Variants in DRC9 observed in about 807,000 individuals in gnomAD.
DRC9 encodes the protein dynein regulatory complex subunit 9, also known as dynein regulatory complex protein 9.
the DRC9 span, among the ~76,000 whole-genome samples, chr3:197,901,161 T>G: frequency 6.6e-6 from 1 of 152,104 alleles, no homozygotes; most frequent in Non-Finnish European, 1.5e-5. This position sits in a 1 kb window ranked among gnomAD's most constrained non-coding sequence, Gnocchi z 4.4. Flanking sequence ...TTTTTTGAGA[T>G]GGAGTCTCAC....
the DRC9 span, chr3:197,945,822 G>A: frequency 5.4e-6 from 3 of 553,244 alleles, no homozygotes; most frequent in African/African-American, 3.8e-5. Context: ...GCGGAGTGGA[G>A]CAGTCCCAGA....
At chr3:197,937,970 GA>G in the DRC9 span, among the ~76,000 whole-genome samples, 28 of 150,802 alleles carry the variant, frequency 1.9e-4, no homozygotes, top group African/African-American at 6.6e-4. Context: ...ACAGCTGAAG[GA>G]AAAAAAGAAA....
the DRC9 span, among the ~76,000 whole-genome samples, chr3:197,947,244 T>A: frequency 1.3e-5 from 2 of 151,360 alleles, no homozygotes; most frequent in African/African-American, 2.4e-5. Context: ...AATTTTTAAA[T>A]TTTTTTTTTC....
chr3:197,915,330 C>T, the DRC9 span, among the ~76,000 whole-genome samples: 1 of 150,382 alleles, frequency 6.6e-6, no homozygotes, highest in African/African-American at 2.4e-5. Context: ...GCTCCGGAGG[C>T]TCTAGCCTAG....
chr3:197,909,939 G>A, the DRC9 span, among the ~76,000 whole-genome samples: 7 of 152,100 alleles, frequency 4.6e-5, no homozygotes, highest in South Asian at 2.1e-4. Flanking sequence ...GCAGTGAGCC[G>A]AGATCGCGCC....
the DRC9 span, among the ~76,000 whole-genome samples, chr3:197,939,680 G>A: frequency 1.3e-5 from 2 of 151,850 alleles, no homozygotes; most frequent in East Asian, 1.9e-4. Flanking sequence ...AAAATAAATG[G>A]TTATTATTTT....
chr3:197,951,551 C>T, the DRC9 span: 1 of 480,766 alleles, frequency 2.1e-6, no homozygotes, highest in African/African-American at 2.0e-5. Flanking sequence ...CAGGGTATTG[C>T]CATGTTGGCC....
the DRC9 span, among the ~76,000 whole-genome samples, chr3:197,938,044 G>A: frequency 0.02 from 3,028 of 152,016 alleles, 108 homozygotes; most frequent in African/African-American, 0.07. Context: ...GGCCGGGCGC[G>A]GTGGCTCACG....
At chr3:197,899,380 A>T in the DRC9 span, among the ~76,000 whole-genome samples, 1 of 152,232 alleles carries the variant, frequency 6.6e-6, no homozygotes, top group Admixed American at 6.5e-5. Flanking sequence ...AAGCAGCACC[A>T]AAAAATACAC....
chr3:197,900,145 C>A, the DRC9 span, among the ~76,000 whole-genome samples: 1 of 152,198 alleles, frequency 6.6e-6, no homozygotes, highest in Non-Finnish European at 1.5e-5. The surrounding 1 kb of genome is among the most constrained non-coding windows in gnomAD (Gnocchi z 4.7). Flanking sequence ...CTCAGCATCT[C>A]GGGCTACGCC....
the DRC9 span, among the ~76,000 whole-genome samples, chr3:197,918,278 T>C: frequency 1.5e-5 from 2 of 137,192 alleles, no homozygotes; most frequent in South Asian, 2.3e-4. Context: ...TTTTTTTTTT[T>C]TTTTTGGTAG....
chr3:197,931,084 G>A, the DRC9 span, among the ~76,000 whole-genome samples: 1 of 151,868 alleles, frequency 6.6e-6, no homozygotes, highest in East Asian at 1.9e-4. Context: ...GGAAGACAAA[G>A]TTAAGGAAAT....
chr3:197,899,525 C>T, the DRC9 span, among the ~76,000 whole-genome samples: 3 of 152,090 alleles, frequency 2.0e-5, no homozygotes, highest in Admixed American at 6.6e-5. Context: ...AGTTTAAGAC[C>T]AGCCTGGGCA....
the DRC9 span, among the ~76,000 whole-genome samples, chr3:197,947,928 C>T: frequency 1.1e-4 from 11 of 96,796 alleles, no homozygotes; most frequent in Non-Finnish European, 3.9e-5. Context: ...CCTGCTTTAC[C>T]TTTTTTTTTT....
chr3:197,946,383 C>G, the DRC9 span, among the ~76,000 whole-genome samples: 3 of 140,066 alleles, frequency 2.1e-5, no homozygotes, highest in African/African-American at 8.5e-5. Context: ...TGCAGTGAGC[C>G]GAGATCGCGC....
At chr3:197,901,923 C>A in the DRC9 span, among the ~76,000 whole-genome samples, 1 of 152,120 alleles carries the variant, frequency 6.6e-6, no homozygotes, top group Non-Finnish European at 1.5e-5. This position sits in a 1 kb window ranked among gnomAD's most constrained non-coding sequence, Gnocchi z 4.4. Flanking sequence ...TTGGGTGAGA[C>A]CAGGTGCTGT....
the DRC9 span, among the ~76,000 whole-genome samples, chr3:197,925,751 T>G: frequency 1.3e-5 from 2 of 151,768 alleles, no homozygotes; most frequent in African/African-American, 4.8e-5. Context: ...ACCCGGCTAA[T>G]TTTTGTATTT....
chr3:197,945,510 A>G, the DRC9 span: 1 of 719,544 alleles, frequency 1.4e-6, no homozygotes, highest in South Asian at 1.8e-5. Flanking sequence ...TTAAGTCACT[A>G]AGTTCTGGGG....
the DRC9 span, among the ~76,000 whole-genome samples, chr3:197,917,195 T>C: frequency 6.6e-6 from 1 of 152,264 alleles, no homozygotes; most frequent in Non-Finnish European, 1.5e-5. Context: ...CATGCGCCTG[T>C]AGTCCCAGCT....
Sources: allele counts gnomAD v4.1 joint callset (sites outside exome capture counted in the v4.1 genomes callset), GRCh38; gene constraint gnomAD v4.1.1; non-coding constraint Gnocchi (gnomAD v3.1); transcripts MANE v1.5; gene names NCBI Gene and HGNC (gene_info 2026-07-23, HGNC 2026-07-21).